CYP11B1: variants seen among roughly 807,000 people sequenced by gnomAD.
CYP11B1 encodes cytochrome P450 11B1, mitochondrial.
In CYP11B1, 34 loss-of-function variants were observed where a neutral mutation model predicts 48.3. The ratio of observed to expected loss-of-function variants is 0.70; its 90% CI spans 0.54 to 0.94. The LOEUF is 0.94. Ranked by LOEUF, CYP11B1 falls within the 40% of genes least tolerant of loss-of-function variation. The pLI, the probability that CYP11B1 is intolerant of heterozygous loss-of-function variation, is 0.00. For synonymous variants in CYP11B1, 291 were observed against 262.5 expected (o/e 1.11, Z -1.05); for missense variants, 688 against 657.4 (o/e 1.05, Z -0.51).
rs148110533 is a variant in CYP11B1 at position 142,873,234 on chromosome 8, CT to C, written c.*1138del. On this transcript the variant is annotated 3_prime_UTR_variant, in exon 9 of 9. Coordinates refer to ENST00000292427, the MANE Select transcript of CYP11B1 (RefSeq NM_000497.4). ...CCCCTTTCATGGGGGAACAAATGCT[CT>C]GATCCTCATCAGCCACCAGGAGCTG... is the stretch of plus-strand genomic sequence containing the variant. 1,082 of 152,422 alleles carry C rather than the reference CT, an allele frequency of 7.1e-3. 8 individuals carry two copies. The highest frequency in any genetic ancestry group is 0.013 in the Non-Finnish European group (873 of 68,084). The allele number at this position is 152,422 out of a possible 1,614,324, so 9.4% of individuals were successfully genotyped here. A position where few individuals can be genotyped will look rare whatever the true frequency, so the allele number is the denominator to read the frequency against.
rs931233583 is a variant in CYP11B1, at chr8:142,873,972, C to T, written c.*401G>A. On this transcript the variant is annotated 3_prime_UTR_variant, in exon 9 of 9. Transcript: ENST00000292427. ...CCCGCTTAATGACTCTGACAGTCTG[C>T]GCAGGGGCCCTGGCCAGGGGAAGAG... 1.8e-5 allele frequency: 6 copies of T among 325,150 alleles called. No individual in the cohort carries two copies. Among genetic ancestry groups the T allele is most frequent in the East Asian group, 7.3e-5 (1 of 13,618 alleles). 20.1% of individuals were successfully genotyped at this position (325,150 alleles called of 1,614,324 possible).
At position 142,873,902 on chromosome 8, in the gene CYP11B1, T is replaced by C. The variant is rs12543598; in HGVS notation, c.*471A>G. 4.2e-6 allele frequency: 1 copy of C among 237,116 alleles called. No homozygotes were observed. Among genetic ancestry groups the C allele is most frequent in the Non-Finnish European group, 8.5e-6 (1 of 117,860 alleles). 14.7% of individuals were successfully genotyped at this position (237,116 alleles called of 1,614,324 possible). On this transcript the variant is annotated 3_prime_UTR_variant, in exon 9 of 9. Coordinates refer to ENST00000292427, the MANE Select transcript of CYP11B1 (RefSeq NM_000497.4). ...AGGGCATGCTCGAGCTGCCTAGGGG[T>C]CAGGCTGCAGGAGGGAACTTGACTG... is the stretch of plus-strand genomic sequence containing the variant.
chr8:142,875,296 G>A lies in CYP11B1; in HGVS notation c.1138C>T (p.Leu380=). Residue 380 remains leucine, a synonymous_variant, in exon 7 of 9, where the codon CTG becomes TTG. Coordinates refer to ENST00000292427, the MANE Select transcript of CYP11B1 (RefSeq NM_000497.4). ...GAGCTCGCCACTCGCTCCAGAAACA[G>A]ACCCACAGGGTAGAGCCTGGAGGTG... ...KETLRLYPVG[L]FLERVASSDL... is the part of the protein sequence containing the mutation. 1 of 1,613,336 alleles carries A rather than the reference G, an allele frequency of 6.2e-7. No homozygotes were observed. The highest frequency in any genetic ancestry group is 8.5e-7 in the Non-Finnish European group (1 of 1,179,980).
At chr8:142,879,320 T>G in intron 1 of CYP11B1, 133 bp from the exon 2 acceptor site, 1 of 1,606,068 alleles carries the variant, frequency 6.2e-7, no homozygotes, top group Non-Finnish European at 8.5e-7. Flanking sequence ...TAAAGCCCTC[T>G]TGCTGACTGC....
chr8:142,877,634 G>A, intron 2 of CYP11B1: 4 of 870,142 alleles, frequency 4.6e-6, no homozygotes, highest in Non-Finnish European at 7.2e-6. Context: ...AGAGCCCCTG[G>A]CTGCCCTCTC....
chr8:142,879,158 C>A lies in CYP11B1; in HGVS notation c.269G>T (p.Cys90Phe), dbSNP rs752490109. 6.2e-7 allele frequency: 1 copy of A among 1,613,960 alleles called. No homozygotes were observed. The highest frequency in any genetic ancestry group is 8.5e-7 in the Non-Finnish European group (1 of 1,179,870). ...RYDLGGAGMV[C>F]VMLPEDVEKL... Reference sequence around the variant, plus strand: ...CTCCACGTCCTCCGGCAGCATCACACACACCATGCCTGCTCCTCCCAAGTC... The same window carrying A: ...CTCCACGTCCTCCGGCAGCATCACAAACACCATGCCTGCTCCTCCCAAGTC... Residue 90 changes from cysteine to phenylalanine, a missense_variant, in exon 2 of 9, where the codon TGT (cysteine) becomes TTT (phenylalanine). Coordinates refer to ENST00000292427, the MANE Select transcript of CYP11B1 (RefSeq NM_000497.4).
intron 2 of CYP11B1, among the ~76,000 whole-genome samples, chr8:142,877,465 G>A (rs1180247339): frequency 1.2e-4 from 18 of 152,248 alleles, no homozygotes; most frequent in African/African-American, 3.9e-4. Flanking sequence ...GGTGCTGACA[G>A]GGTAACTGAG....
intron 2 of CYP11B1, among the ~76,000 whole-genome samples, chr8:142,878,263 C>A (rs370811761): frequency 6.6e-6 from 1 of 152,198 alleles, no homozygotes; most frequent in African/African-American, 2.4e-5. Flanking sequence ...TGAAGGCCCC[C>A]ACCCTTGAGT....
intron 8 of CYP11B1, among the ~76,000 whole-genome samples, 193 bp from the exon 9 acceptor site, chr8:142,874,679 G>A (rs1816874744): frequency 6.6e-6 from 1 of 152,010 alleles, no homozygotes; most frequent in Admixed American, 6.5e-5. Context: ...TATTGCCCAA[G>A]CCCCACTATC....
chr8:142,874,868 ACT>A, intron 8 of CYP11B1, 87 bp downstream of exon 8: 1 of 1,507,776 alleles, frequency 6.6e-7, no homozygotes, highest in South Asian at 1.1e-5. Flanking sequence ...GGCCACTCCC[ACT>A]CTGCCGAGGC....
At chr8:142,877,929 T>C (rs1817011833) in intron 2 of CYP11B1, 4 of 995,802 alleles carry the variant, frequency 4.0e-6, no homozygotes, top group South Asian at 2.9e-5. Flanking sequence ...CATGCGCCCA[T>C]GCAAGACCTC....
intron 2 of CYP11B1, chr8:142,877,949 T>G (rs1251349991): frequency 5.1e-6 from 4 of 792,078 alleles, no homozygotes; most frequent in Non-Finnish European, 8.1e-6. Flanking sequence ...CAACACCATG[T>G]GTGAAGAGAC....
chr8:142,875,973 A>T (rs1816933414), intron 5 of CYP11B1, 95 bp from the exon 6 acceptor site: 1 of 1,482,458 alleles, frequency 6.7e-7, no homozygotes, highest in Non-Finnish European at 9.4e-7. Context: ...AGGGGTGCAG[A>T]CATGCATACC....
intron 8 of CYP11B1, 84 bp downstream of exon 8, chr8:142,874,873 G>A: frequency 6.5e-7 from 1 of 1,532,842 alleles, no homozygotes; most frequent in Non-Finnish European, 8.9e-7. Context: ...CTCCCACTCT[G>A]CCGAGGCCAG....
intron 8 of CYP11B1, 94 bp from the exon 9 acceptor site, chr8:142,874,580 G>T: frequency 1.1e-6 from 1 of 897,936 alleles, no homozygotes; most frequent in Non-Finnish European, 1.9e-6. Flanking sequence ...AGATTATGCT[G>T]AAGGGGGAAC....
rs1817089039 is a variant in CYP11B1, at chr8:142,879,766, C to G, written c.48G>C (p.Leu16=). The part of the protein sequence containing the change: ...KAEVCMAVPW[L]SLQRAQALGT... ...CCAGTGCCTGTGCCCTTTGCAGGGA[C>G]AGCCAGGGCACTGCCATGCACACCT... The change falls in exon 1 of 9, where the codon CTG becomes CTC. Residue 16 remains leucine, a synonymous_variant. Transcript: ENST00000292427. 8 of 1,614,078 alleles carry G rather than the reference C, an allele frequency of 5.0e-6. No individual in the cohort carries two copies. In the East Asian group the frequency reaches 1.8e-4, roughly 36 times the overall value.
In CYP11B1 at chr8:142,877,230, G is replaced by A; in HGVS notation, c.396-8C>T. On this transcript the variant is annotated splice_region_variant and splice_polypyrimidine_tract_variant and intron_variant, in intron 2 of 8. Transcript: ENST00000292427. ...CGCCATTCAGGCCCATTCCTACAGA[G>A]GCCAGGGCAGAGCTTGTGAGGCCGC... 1 of 1,608,626 alleles carries A rather than the reference G, an allele frequency of 6.2e-7. No individual in the cohort carries two copies. The highest frequency in any genetic ancestry group is 8.5e-7 in the Non-Finnish European group (1 of 1,177,654).
chr8:142,877,672 A>G, intron 2 of CYP11B1: 1 of 1,423,334 alleles, frequency 7.0e-7, no homozygotes, highest in Non-Finnish European at 9.7e-7. Context: ...CCCTGGGCAC[A>G]GTGCCTCTGG....
intron 2 of CYP11B1, among the ~76,000 whole-genome samples, chr8:142,878,265 C>G (rs542701066): frequency 2.0e-5 from 3 of 152,316 alleles, no homozygotes; most frequent in Admixed American, 6.5e-5. Flanking sequence ...AAGGCCCCCA[C>G]CCTTGAGTGC....
Sources: allele counts gnomAD v4.1 joint callset (sites outside exome capture counted in the v4.1 genomes callset), GRCh38; gene constraint gnomAD v4.1.1; transcripts MANE v1.5; gene names NCBI Gene and HGNC (gene_info 2026-07-23, HGNC 2026-07-21).